The following FAM20A variants were observed in gnomAD, a reference collection of about 807,000 sequenced individuals.
The protein encoded by FAM20A is pseudokinase FAM20A.
FAM20A carries 42 observed loss-of-function variants against 52.0 expected under a neutral mutation model. The observed-to-expected ratio is 0.81, with a 90% CI of 0.63 to 1.04. FAM20A has a LOEUF of 1.04. Ranked by LOEUF, FAM20A falls within the 50% of genes least tolerant of loss-of-function variation. FAM20A has a pLI of 0.00. For synonymous variants in FAM20A, 304 were observed against 298.9 expected (o/e 1.02, Z -0.18); for missense variants, 742 against 712.7 (o/e 1.04, Z -0.47).
intron 4 of FAM20A, among the ~76,000 whole-genome samples, chr17:68,545,263 A>G (rs1052592957): frequency 6.6e-6 from 1 of 152,218 alleles, no homozygotes; most frequent in Admixed American, 6.5e-5. Context: ...AGGGTTTTGC[A>G]TTGTATTTCG....
At chr17:68,583,042 G>A (rs1037203050) in intron 1 of FAM20A, among the ~76,000 whole-genome samples, 18 of 151,274 alleles carry the variant, frequency 1.2e-4, no homozygotes, top group Admixed American at 9.9e-4. Flanking sequence ...TCCTGACCTC[G>A]TGATCCGCCC....
At chr17:68,598,303 C>T (rs138548356) in intron 1 of FAM20A, among the ~76,000 whole-genome samples, 2 of 152,264 alleles carry the variant, frequency 1.3e-5, no homozygotes, top group East Asian at 3.9e-4. Context: ...CCCTGCCCGG[C>T]CTTGTGTTTC....
rs1165487841 is a variant in FAM20A, at chr17:68,535,445, T to C, written c.*2032A>G. On this transcript the variant is annotated 3_prime_UTR_variant, in exon 11 of 11. Transcript: ENST00000592554. ...GTAGCCTGCTTTCCTGAGAGTCTTA[T>C]TTGGAAGTCCCAAACCATTTTGTGC... The C allele has an allele frequency of 2.2e-6, 1 of 454,098 alleles. No individual in the cohort carries two copies. Among genetic ancestry groups the C allele is most frequent in the Non-Finnish European group, 4.4e-6 (1 of 226,782 alleles). 28.1% of individuals were successfully genotyped at this position (454,098 alleles called of 1,614,324 possible).
chr17:68,551,255 C>T, intron 4 of FAM20A: 1 of 696,132 alleles, frequency 1.4e-6, no homozygotes, highest in Non-Finnish European at 2.0e-6. Context: ...CTATGTTTCA[C>T]AAAATTTTCA....
intron 1 of FAM20A, among the ~76,000 whole-genome samples, chr17:68,597,772 A>G (rs12938535): frequency 0.2 from 30,424 of 152,006 alleles, 3,275 homozygotes; most frequent in East Asian, 0.35. Flanking sequence ...ACAATTAGCA[A>G]GGTCCTTCAT....
chr17:68,574,450 A>G (rs908769452), intron 1 of FAM20A, among the ~76,000 whole-genome samples: 2 of 152,142 alleles, frequency 1.3e-5, no homozygotes, highest in Admixed American at 6.5e-5. Context: ...GGATCCATAA[A>G]TGAGTTAATC....
intron 1 of FAM20A, among the ~76,000 whole-genome samples, chr17:68,565,617 C>T (rs1179018007): frequency 1.3e-5 from 2 of 152,122 alleles, no homozygotes; most frequent in African/African-American, 2.4e-5. Context: ...TGGTTTTGAA[C>T]TCCTGACCTC....
At chr17:68,551,407 A>G (rs900920449) in intron 4 of FAM20A, 6 of 307,376 alleles carry the variant, frequency 2.0e-5, no homozygotes, top group Admixed American at 1.5e-4. Context: ...TTTTGATGTC[A>G]AAAAGAGAGT....
rs1228331842 is a variant in FAM20A, at chr17:68,535,682, T to TG, written c.*1794dup. The stretch of plus-strand genomic sequence containing the variant: ...ATTTAAAAAAAAATTTTTTTTTTTT[T>TG]GTATTTTTTTGTAGAGACAGGGTTT... On this transcript the variant is annotated 3_prime_UTR_variant, in exon 11 of 11. Transcript: ENST00000592554. 1 of 447,034 alleles carries TG rather than the reference T, an allele frequency of 2.2e-6. No individual in the cohort carries two copies. The highest frequency in any genetic ancestry group is 7.0e-5 in the East Asian group (1 of 14,348). The allele number at this position is 447,034 out of a possible 1,614,324, so 27.7% of individuals were successfully genotyped here.
At chr17:68,546,548 T>C (rs528501275) in intron 4 of FAM20A, among the ~76,000 whole-genome samples, 16 of 152,018 alleles carry the variant, frequency 1.1e-4, no homozygotes, top group Admixed American at 2.6e-4. Flanking sequence ...TTGTAAGACT[T>C]GGCTGGGCGT....
At chr17:68,538,227 T>C (rs977047499) in intron 10 of FAM20A, among the ~76,000 whole-genome samples, 3 of 152,208 alleles carry the variant, frequency 2.0e-5, no homozygotes, top group African/African-American at 7.2e-5. Context: ...GTAGGACCCA[T>C]CTTTAGGATT....
Position 68,594,689 on chromosome 17 carries a change from T to G in FAM20A, c.404+5574A>C, listed in dbSNP as rs534053888. Among the ~76,000 whole-genome samples, 17 of 152,362 alleles carry G rather than the reference T, an allele frequency of 1.1e-4. 1 individual carries two copies. In the East Asian group the frequency reaches 2.7e-3, roughly 24 times the overall value. On this transcript the variant is annotated intron_variant, in intron 1 of 10. Coordinates refer to ENST00000592554, the MANE Select transcript of FAM20A (RefSeq NM_017565.4). Reference sequence around the variant, plus strand: ...CAGTAGGACTGTAGTCCCTGTTTCCTTGCTGGCTGTCAGCTGGGGCTAATC... The same window carrying G: ...CAGTAGGACTGTAGTCCCTGTTTCCGTGCTGGCTGTCAGCTGGGGCTAATC...
At chr17:68,567,965 C>A (rs961509488) in intron 1 of FAM20A, among the ~76,000 whole-genome samples, 3 of 151,996 alleles carry the variant, frequency 2.0e-5, no homozygotes, top group Admixed American at 2.0e-4. Context: ...GAGGCTCCCC[C>A]GCCATGCGGA....
intron 1 of FAM20A, among the ~76,000 whole-genome samples, chr17:68,562,896 A>G (rs2087256169): frequency 6.6e-6 from 1 of 152,190 alleles, no homozygotes; most frequent in East Asian, 1.9e-4. Context: ...AAGAGCTGCC[A>G]ATGACCAGAA....
chr17:68,545,805 A>G (rs1200140424), intron 4 of FAM20A, among the ~76,000 whole-genome samples: 1 of 152,200 alleles, frequency 6.6e-6, no homozygotes, highest in Non-Finnish European at 1.5e-5. Flanking sequence ...CATCTCAACA[A>G]TGTTCACAGC....
intron 1 of FAM20A, among the ~76,000 whole-genome samples, chr17:68,596,310 A>G (rs923901289): frequency 1.3e-5 from 2 of 152,182 alleles, no homozygotes; most frequent in African/African-American, 2.4e-5. Context: ...GCAAAAACTC[A>G]TATTTGTGTT....
chr17:68,553,557 G>A (rs1208814490), intron 3 of FAM20A, among the ~76,000 whole-genome samples: 1 of 152,074 alleles, frequency 6.6e-6, no homozygotes, highest in African/African-American at 2.4e-5. Flanking sequence ...CACTCCTGGA[G>A]GGGAGCTCTG....
At position 68,539,372 on chromosome 17, in the gene FAM20A, T is replaced by G; in HGVS notation, c.1326A>C (p.Glu442Asp). ...ARGFGRHSHD[E>D]ISILSPLSQC... ...GGGAGAGAGGCGAGAGGATGGAGAT[T>G]TCATCATGGGAGTGTCGTCCGAACC... The change falls in exon 10 of 11, where the codon GAA (glutamate) becomes GAC (aspartate). Residue 442 changes from glutamate to aspartate, a missense_variant. By Grantham distance (45) the Glu-to-Asp change is conservative (BLOSUM62 2). Coordinates refer to ENST00000592554, the MANE Select transcript of FAM20A (RefSeq NM_017565.4). The G allele has an allele frequency of 6.2e-7, 1 of 1,614,130 alleles. No homozygotes were observed. Among genetic ancestry groups the G allele is most frequent in the Non-Finnish European group, 8.5e-7 (1 of 1,180,016 alleles).
chr17:68,542,218 A>T, intron 6 of FAM20A, 53 bp from the exon 7 acceptor site: 1 of 1,595,046 alleles, frequency 6.3e-7, no homozygotes, highest in Non-Finnish European at 8.6e-7. Flanking sequence ...TGGAGGCATG[A>T]CATCTTCCTG....
Sources: allele counts gnomAD v4.1 joint callset (sites outside exome capture counted in the v4.1 genomes callset), GRCh38; gene constraint gnomAD v4.1.1; transcripts MANE v1.5; gene names NCBI Gene and HGNC (gene_info 2026-07-23, HGNC 2026-07-21).